The following GNB4 variants were observed in gnomAD, a reference collection of about 807,000 sequenced individuals.
GNB4 encodes the protein G protein subunit beta 4.
GNB4 carries 28 observed loss-of-function variants against 45.2 expected under a neutral mutation model. The observed-to-expected ratio is 0.62, with a 90% confidence interval of 0.46 to 0.85. GNB4 has a LOEUF of 0.85. GNB4 is among the 40% of genes least tolerant of loss of function. GNB4 has a pLI of 0.00. For synonymous variants in GNB4, 132 were observed against 143.7 expected (o/e 0.92, Z 0.58); for missense variants, 321 against 425.4 (o/e 0.75, Z 2.16).
chr3:179,487,874 A>AGATG, the GNB4 span, among the ~76,000 whole-genome samples: 1 of 152,012 alleles, frequency 6.6e-6, no homozygotes, highest in Non-Finnish European at 1.5e-5. Context: ...ACATGGTGAA[A>AGATG]CCCCATCTCT....
At chr3:179,475,407 C>T in the GNB4 span, among the ~76,000 whole-genome samples, 11 of 151,820 alleles carry the variant, frequency 7.2e-5, no homozygotes, top group African/African-American at 7.3e-5. Context: ...GCGTGAGCCA[C>T]CACACCTGGC....
the GNB4 span, among the ~76,000 whole-genome samples, chr3:179,469,318 G>A: frequency 6.6e-6 from 1 of 151,962 alleles, no homozygotes; most frequent in Non-Finnish European, 1.5e-5. Flanking sequence ...TACTTTTTGG[G>A]TTATACCTTA....
Position 179,422,184 on chromosome 3 carries a change from G to A in GNB4, c.58-1257C>T, listed in dbSNP as rs556767097. ...TTGCAAATGGAAATTATTGAACTAC[G>A]CTGAAAATTGGTAACAAAAATTAAA... On this transcript the variant is annotated intron_variant, in intron 2 of 9. Transcript: ENST00000232564. Among the ~76,000 whole-genome samples the A allele has an allele frequency of 3.9e-5, 6 of 152,148 alleles. 1 individual carries two copies. The South Asian group carries it at 6.2e-4, about 16-fold the overall frequency.
chr3:179,453,575 T>C (rs1715936059), upstream of GNB4, among the ~76,000 whole-genome samples: 2 of 152,168 alleles, frequency 1.3e-5, no homozygotes, highest in Admixed American at 1.3e-4. Context: ...AGCAATGAGA[T>C]AGTCTATTCC....
At chr3:179,471,611 G>A in the GNB4 span, among the ~76,000 whole-genome samples, 1 of 152,164 alleles carries the variant, frequency 6.6e-6, no homozygotes, top group Non-Finnish European at 1.5e-5. Context: ...TACTTTCTAT[G>A]ATGTTTGCAA....
At chr3:179,405,576 G>A in intron 8 of GNB4, 170 bp from the exon 9 acceptor site, 1 of 572,908 alleles carries the variant, frequency 1.7e-6, no homozygotes, top group Non-Finnish European at 3.1e-6. Context: ...CCATTTCAAA[G>A]TGGTGATTAA....
At chr3:179,476,222 A>C in the GNB4 span, among the ~76,000 whole-genome samples, 1 of 152,382 alleles carries the variant, frequency 6.6e-6, no homozygotes, top group South Asian at 2.1e-4. Context: ...GAAATGGGCA[A>C]GAAAGGGGTA....
At chr3:179,448,804 C>T (rs912923088) in intron 1 of GNB4, among the ~76,000 whole-genome samples, 19 of 152,262 alleles carry the variant, frequency 1.2e-4, no homozygotes, top group South Asian at 4.1e-4. Flanking sequence ...CAGGGCCAGA[C>T]GCCGTGGCTC....
intron 1 of GNB4, among the ~76,000 whole-genome samples, chr3:179,436,726 G>T (rs1715461155): frequency 6.6e-6 from 1 of 152,162 alleles, no homozygotes; most frequent in Non-Finnish European, 1.5e-5. Flanking sequence ...GGGGCAAGTG[G>T]ATAAGAGAGG....
chr3:179,521,530 G>A, the GNB4 span, among the ~76,000 whole-genome samples: 3 of 152,116 alleles, frequency 2.0e-5, no homozygotes, highest in East Asian at 1.9e-4. Context: ...ACTATCTTCT[G>A]TCTAGTCATA....
intron 1 of GNB4, among the ~76,000 whole-genome samples, chr3:179,448,513 TA>T (rs2108624254): frequency 1.3e-5 from 2 of 152,112 alleles, no homozygotes; most frequent in Non-Finnish European, 1.5e-5. Flanking sequence ...ATTATTCACA[TA>T]AATACACGGT....
intron 8 of GNB4, chr3:179,410,423 TAAAC>T (rs992951594): frequency 1.3e-5 from 2 of 152,158 alleles, no homozygotes; most frequent in Non-Finnish European, 2.9e-5. Context: ...CTGGGTGGCT[TAAAC>T]AAAAGGAATG....
chr3:179,407,385 G>C (rs1714503752), intron 8 of GNB4, among the ~76,000 whole-genome samples: 1 of 152,212 alleles, frequency 6.6e-6, no homozygotes. Flanking sequence ...CTTGAACCCA[G>C]AAGGCTGAGG....
At position 179,426,722 on chromosome 3, in the gene GNB4, C is replaced by A. The variant is rs568223958; in HGVS notation, c.-42-480G>T. ...CCTGTTTTAATCATAGCCTCCCCAT[C>A]GAATCCATTTGCAAATCATGTCAGT... is the stretch of plus-strand genomic sequence containing the variant. On this transcript the variant is annotated intron_variant, in intron 1 of 9. Coordinates refer to ENST00000232564, the MANE Select transcript of GNB4 (RefSeq NM_021629.4). Among the ~76,000 whole-genome samples, 11 of 152,206 alleles carry A rather than the reference C, an allele frequency of 7.2e-5. No homozygotes were observed. The East Asian group carries it at 1.5e-3, about 21-fold the overall frequency.
chr3:179,419,526 G>A (rs762213385), intron 3 of GNB4, 21 bp from the exon 4 acceptor site: 1 of 1,391,402 alleles, frequency 7.2e-7, no homozygotes, highest in South Asian at 1.2e-5. Context: ...CAACAAAAAT[G>A]TTATTCTTTA....
chr3:179,513,350 T>C, the GNB4 span, among the ~76,000 whole-genome samples: 1 of 151,890 alleles, frequency 6.6e-6, no homozygotes, highest in African/African-American at 2.4e-5. Context: ...CCTCGGTTAA[T>C]TTTTGTACTT....
At chr3:179,452,310 A>G (rs569880474), upstream of GNB4, 7 of 152,004 alleles carry the variant, frequency 4.6e-5, no homozygotes, top group Admixed American at 6.5e-5. Context: ...TGAAGTCAGT[A>G]CCGCCTGGGA....
intron 2 of GNB4, among the ~76,000 whole-genome samples, chr3:179,421,722 T>C (rs2108598143): frequency 6.6e-6 from 1 of 152,346 alleles, no homozygotes; most frequent in East Asian, 1.9e-4. Context: ...ATGGCAGACA[T>C]GATCTTTCTG....
At chr3:179,415,213 A>G (rs1714762576) in intron 5 of GNB4, among the ~76,000 whole-genome samples, 166 bp from the exon 6 acceptor site, 1 of 152,184 alleles carries the variant, frequency 6.6e-6, no homozygotes, top group Admixed American at 6.5e-5. Context: ...AAAATACAAC[A>G]CTAACGCACA....
Sources: allele counts gnomAD v4.1 joint callset (sites outside exome capture counted in the v4.1 genomes callset), GRCh38; gene constraint gnomAD v4.1.1; transcripts MANE v1.5; gene names NCBI Gene and HGNC (gene_info 2026-07-23, HGNC 2026-07-21).